CEP128: variants seen among roughly 807,000 people sequenced by gnomAD.
CEP128 encodes the protein centrosomal protein 128kDa.
CEP128 carries 132 observed loss-of-function variants against 156.7 expected under a neutral mutation model. The ratio of observed to expected loss-of-function variants is 0.84; its 90% CI spans 0.73 to 0.97. The LOEUF is 0.97. Ranked by LOEUF, CEP128 falls within the 50% of genes least tolerant of loss-of-function variation. The probability of loss-of-function intolerance (pLI) is 0.00; values close to 1 mark genes in which losing one functional copy is unlikely to be tolerated. For missense variants in CEP128, 1,252 were observed against 1,281.9 expected, an observed-to-expected ratio of 0.98 and a Z score of 0.36; for synonymous variants, 469 against 448.9, an observed-to-expected ratio of 1.04 and a Z score of -0.57.
At chr14:80,870,929 A>T (rs961244192) in intron 8 of CEP128, among the ~76,000 whole-genome samples, 2 of 151,940 alleles carry the variant, frequency 1.3e-5, no homozygotes, top group African/African-American at 2.4e-5. Flanking sequence ...ACATACAAGA[A>T]TCAGCAGCAT....
chr14:80,838,405 G>C, intron 10 of CEP128, 127 bp from the exon 11 acceptor site: 1 of 623,180 alleles, frequency 1.6e-6, no homozygotes. Flanking sequence ...TAATATAAAA[G>C]AATAAATATC....
chr14:80,533,017 G>A (rs12891534), intron 21 of CEP128, among the ~76,000 whole-genome samples: 32,760 of 151,990 alleles, frequency 0.22, 4,466 homozygotes, highest in Admixed American at 0.35. Flanking sequence ...TAGGCCACAT[G>A]TACTCACTTA....
At chr14:80,511,703 CT>C (rs2140217955) in intron 23 of CEP128, among the ~76,000 whole-genome samples, 1 of 151,814 alleles carries the variant, frequency 6.6e-6, no homozygotes, top group East Asian at 1.9e-4. Flanking sequence ...TGAAGTTCTT[CT>C]GCTTTTTTGA....
chr14:80,656,307 A>AGC (rs1895156337), intron 19 of CEP128, among the ~76,000 whole-genome samples: 1 of 13,128 alleles, frequency 7.6e-5, no homozygotes, highest in African/African-American at 3.2e-4. Flanking sequence ...ATATATATAT[A>AGC]TATATATATA....
At chr14:80,784,300 A>C (rs1901281995) in intron 15 of CEP128, among the ~76,000 whole-genome samples, 1 of 151,098 alleles carries the variant, frequency 6.6e-6, no homozygotes, top group African/African-American at 2.4e-5. Context: ...AAAAAAAGAC[A>C]GGAAGAGGAA....
chr14:80,537,333 T>C (rs988223217), intron 21 of CEP128, among the ~76,000 whole-genome samples: 1 of 152,220 alleles, frequency 6.6e-6, no homozygotes, highest in Admixed American at 6.5e-5. Context: ...GATTTGGGTT[T>C]TCTTTTTTTC....
chr14:80,525,551 A>T (rs1209523025), intron 23 of CEP128, among the ~76,000 whole-genome samples: 7 of 152,148 alleles, frequency 4.6e-5, no homozygotes, highest in Non-Finnish European at 8.8e-5. Context: ...GGTTAGTGGC[A>T]CTCCTTTACA....
intron 19 of CEP128, among the ~76,000 whole-genome samples, chr14:80,642,897 G>C (rs1284942063): frequency 6.6e-6 from 1 of 151,922 alleles, no homozygotes; most frequent in Non-Finnish European, 1.5e-5. Flanking sequence ...TGGGACTACA[G>C]GCACGTGCCA....
intron 20 of CEP128, among the ~76,000 whole-genome samples, chr14:80,562,480 G>C (rs1298376841): frequency 6.6e-6 from 1 of 152,022 alleles, no homozygotes; most frequent in Admixed American, 6.6e-5. Context: ...TAGTCTTCAT[G>C]AACTTCTTAT....
At chr14:80,557,510 T>G (rs1890487070) in intron 21 of CEP128, among the ~76,000 whole-genome samples, 1 of 152,200 alleles carries the variant, frequency 6.6e-6, no homozygotes, top group Non-Finnish European at 1.5e-5. Context: ...TCCAGATTTT[T>G]TAAAAAAGCA....
chr14:80,498,250 C>T (rs1566740558), intron 24 of CEP128, among the ~76,000 whole-genome samples: 1 of 152,180 alleles, frequency 6.6e-6, no homozygotes, highest in East Asian at 1.9e-4. Flanking sequence ...TCACCTGAGT[C>T]CTGATTCACA....
intron 19 of CEP128, among the ~76,000 whole-genome samples, chr14:80,735,635 C>T (rs1898492172): frequency 6.6e-6 from 1 of 152,142 alleles, no homozygotes; most frequent in African/African-American, 2.4e-5. Flanking sequence ...AACAAATTCC[C>T]ACAAACTTAG....
At position 80,831,281 on chromosome 14, in the gene CEP128, T is replaced by C; in HGVS notation, c.1071A>G (p.Glu357=). ...DWRFRRGVER[E]KQDLEKQMSD... Reference sequence around the variant, plus strand: ...ACATTTGCTTCTCCAGGTCCTGTTTTTCCCGCTCAACCCCTTAAAAGATAA... The same window carrying C: ...ACATTTGCTTCTCCAGGTCCTGTTTCTCCCGCTCAACCCCTTAAAAGATAA... Residue 357 remains glutamate (E), a synonymous_variant, in exon 13 of 25, where the codon GAA becomes GAG. Coordinates refer to ENST00000555265, the MANE Select transcript of CEP128 (RefSeq NM_152446.5). The C allele has an allele frequency of 3.7e-6, 6 of 1,613,994 alleles. No individual in the cohort carries two copies. Among genetic ancestry groups the C allele is most frequent in the Non-Finnish European group, 4.2e-6 (5 of 1,179,932 alleles).
At chr14:80,629,307 C>A (rs1015353885) in intron 19 of CEP128, among the ~76,000 whole-genome samples, 2 of 152,090 alleles carry the variant, frequency 1.3e-5, no homozygotes, top group Admixed American at 1.3e-4. Flanking sequence ...GAATTTGTAT[C>A]TTGAAGAGTT....
At chr14:80,577,851 A>G (rs993010690) in intron 20 of CEP128, among the ~76,000 whole-genome samples, 2 of 152,148 alleles carry the variant, frequency 1.3e-5, no homozygotes, top group Non-Finnish European at 2.9e-5. Flanking sequence ...CCTCTCTCAG[A>G]TGCTACATTC....
chr14:80,845,473 T>C (rs1886552908), intron 9 of CEP128, among the ~76,000 whole-genome samples: 1 of 152,172 alleles, frequency 6.6e-6, no homozygotes. Context: ...CAAAAAGAGA[T>C]GCATAGTTTT....
chr14:80,497,843 A>G (rs547724493), intron 24 of CEP128, among the ~76,000 whole-genome samples: 5 of 152,346 alleles, frequency 3.3e-5, no homozygotes, highest in African/African-American at 1.2e-4. Flanking sequence ...TCAGGATACA[A>G]TGATATAAAC....
chr14:80,695,673 CA>C (rs1274955076), intron 19 of CEP128, among the ~76,000 whole-genome samples: 1 of 147,152 alleles, frequency 6.8e-6, no homozygotes, highest in African/African-American at 2.6e-5. Context: ...GCCAAGATCA[CA>C]CCATTGCACT....
chr14:80,785,771 C>T (rs2139811647), intron 14 of CEP128, among the ~76,000 whole-genome samples: 1 of 152,108 alleles, frequency 6.6e-6, no homozygotes, highest in South Asian at 2.1e-4. Flanking sequence ...ATATGTATTT[C>T]AAATTTTCAT....
Sources: allele counts gnomAD v4.1 joint callset (sites outside exome capture counted in the v4.1 genomes callset), GRCh38; gene constraint gnomAD v4.1.1; transcripts MANE v1.5; gene names NCBI Gene and HGNC (gene_info 2026-07-23, HGNC 2026-07-21).